Variants in EXOSC2 observed in about 807,000 individuals in gnomAD.
The protein encoded by EXOSC2 is exosome complex component RRP4.
EXOSC2 carries 29 observed loss-of-function variants against 37.6 expected under a neutral mutation model. That is an observed-to-expected ratio of 0.77 (90% CI 0.57 to 1.05). The LOEUF is 1.05. Ranked by LOEUF, EXOSC2 falls within the 50% of genes least tolerant of loss-of-function variation. EXOSC2 has a pLI of 0.00. For missense variants in EXOSC2, 346 were observed against 365.6 expected, an observed-to-expected ratio of 0.95 and a Z score of 0.44; for synonymous variants, 119 against 131.1, an observed-to-expected ratio of 0.91 and a Z score of 0.63.
chr9:130,696,525 A>G (rs1831100734), intron 2 of EXOSC2, among the ~76,000 whole-genome samples: 1 of 152,058 alleles, frequency 6.6e-6, no homozygotes, highest in Non-Finnish European at 1.5e-5. Flanking sequence ...TCATGATCTG[A>G]AGTGATGGTG....
At chr9:130,697,713 A>C in intron 3 of EXOSC2, 86 bp downstream of exon 3, 1 of 1,274,170 alleles carries the variant, frequency 7.8e-7, no homozygotes, top group Non-Finnish European at 1.1e-6. Flanking sequence ...TTGTAGTTAC[A>C]TGAAAAAGGC....
chr9:130,695,579 A>T lies in EXOSC2; in HGVS notation c.210A>T (p.Lys70Asn). ...VERVNKLICVKALKTRYIGEV... is the reference protein window; with the variant it reads ...VERVNKLICVNALKTRYIGEV... ...GAGTAAACAAGTTGATCTGTGTGAA[A>T]GCTTTGAAAACCAGGTGAGAACAAA... Residue 70 changes from lysine (K) to asparagine (N), a missense_variant, in exon 2 of 9, where the codon AAA (lysine) becomes AAT (asparagine). Lys to Asn is a moderately conservative substitution (Grantham distance 94). Transcript: ENST00000372358. The T allele has an allele frequency of 6.2e-7, 1 of 1,614,114 alleles. No individual in the cohort carries two copies. Among genetic ancestry groups the T allele is most frequent in the Non-Finnish European group, 8.5e-7 (1 of 1,179,982 alleles).
chr9:130,702,567 T>C (rs979720280), intron 7 of EXOSC2, among the ~76,000 whole-genome samples: 55 of 137,718 alleles, frequency 4.0e-4, no homozygotes, highest in African/African-American at 1.4e-3. Context: ...GAAGAAGCCA[T>C]TCTTTTTCTG....
At position 130,703,060 on chromosome 9, in the gene EXOSC2, C is replaced by T. The variant is rs142822790; in HGVS notation, c.680C>T (p.Ser227Phe). The stretch of plus-strand genomic sequence containing the variant: ...CTCTGTGTCTCCTTATAGCCTGTCT[C>T]TCTTGCTGATCGAGAGGTGATATCC... The part of the protein sequence containing the change: ...GGFIANLEPV[S>F]LADREVISRL... Residue 227 changes from serine to phenylalanine, a missense_variant, in exon 8 of 9, where the codon TCT becomes TTT. By Grantham distance (155) the Ser-to-Phe change is radical. Coordinates refer to ENST00000372358, the MANE Select transcript of EXOSC2 (RefSeq NM_014285.7). 2 of 1,613,412 alleles carry T rather than the reference C, an allele frequency of 1.2e-6. No homozygotes were observed. The highest frequency in any genetic ancestry group is 2.7e-5 in the African/African-American group (2 of 74,926).
intron 5 of EXOSC2, chr9:130,699,845 A>T (rs1831173680): frequency 6.3e-6 from 1 of 159,290 alleles, no homozygotes. Context: ...TCTACAAAAA[A>T]ATTAAAAAAG....
chr9:130,701,080 C>A, intron 6 of EXOSC2, 145 bp downstream of exon 6: 1 of 712,236 alleles, frequency 1.4e-6, no homozygotes, highest in Non-Finnish European at 2.4e-6. Flanking sequence ...TGATCGTGTT[C>A]CTTAAACGTA....
Position 130,698,061 on chromosome 9 carries a change from TG to T in EXOSC2, c.271-98del. ...CACCAGCTTCGGCCTCCCAAAGTGCTGGGATTACAGGCGTGAGCCACCACAT... is the reference window on the plus strand; with the variant it reads ...CACCAGCTTCGGCCTCCCAAAGTGCTGGATTACAGGCGTGAGCCACCACAT... On this transcript the variant is annotated intron_variant, in intron 3 of 8. Transcript: ENST00000372358. The surrounding 1 kb of genome is among the most constrained non-coding windows in gnomAD (Gnocchi z 4.1). 1 of 1,118,218 alleles carries T rather than the reference TG, an allele frequency of 8.9e-7. No homozygotes were observed. The highest frequency in any genetic ancestry group is 1.3e-6 in the Non-Finnish European group (1 of 742,516). 69.3% of individuals were successfully genotyped at this position (1,118,218 alleles called of 1,614,324 possible). A position where few individuals can be genotyped will look rare whatever the true frequency, so the allele number is the denominator to read the frequency against.
chr9:130,697,746 G>T, intron 3 of EXOSC2, 119 bp downstream of exon 3: 2 of 932,306 alleles, frequency 2.1e-6, no homozygotes, highest in Non-Finnish European at 3.5e-6. Flanking sequence ...TGGCCGTTGT[G>T]TGGCTTCTGA....
Position 130,703,686 on chromosome 9 carries a change from T to C in EXOSC2, c.802-8T>C. 2 of 1,608,090 alleles carry C rather than the reference T, an allele frequency of 1.2e-6. No homozygotes were observed. The highest frequency in any genetic ancestry group is 2.2e-5 in the East Asian group (1 of 44,756). On this transcript the variant is annotated splice_polypyrimidine_tract_variant and splice_region_variant and intron_variant, in intron 8 of 8. Coordinates refer to ENST00000372358, the MANE Select transcript of EXOSC2 (RefSeq NM_014285.7). ...CTTTTCTGAACAAATGCCTTTTCCC[T>C]TTTTCAGATCAAAGACATCTTAAAG...
rs1429747161 is a variant in EXOSC2 at position 130,694,744 on chromosome 9, G to A, written c.123-748G>A. Among the ~76,000 whole-genome samples, 1 of 152,024 alleles carries A rather than the reference G, an allele frequency of 6.6e-6. No homozygotes were observed. The highest frequency in any genetic ancestry group is 2.4e-5 in the African/African-American group (1 of 41,370). On this transcript the variant is annotated intron_variant, in intron 1 of 8. Transcript: ENST00000372358. The surrounding 1 kb of genome is among the most constrained non-coding windows in gnomAD (Gnocchi z 4.0). ...ATTTTTTTTTCTTTTTTGAGACGGAGTCTGTCTTAGATCAGTCGTGCGATC... is the reference window on the plus strand; with the variant it reads ...ATTTTTTTTTCTTTTTTGAGACGGAATCTGTCTTAGATCAGTCGTGCGATC...
Position 130,693,819 on chromosome 9 carries a change from G to A in EXOSC2, c.28G>A (p.Ala10Thr), listed in dbSNP as rs752188322. 4 of 1,609,540 alleles carry A rather than the reference G, an allele frequency of 2.5e-6. No homozygotes were observed. Among genetic ancestry groups the A allele is most frequent in the South Asian group, 1.1e-5 (1 of 90,886 alleles). The part of the protein sequence containing the change: MAMEMRLPV[A>T]RKPLSERLGR... ...GGCGATGGAGATGAGGCTTCCAGTG[G>A]CTCGCAAGCCTCTTAGCGAGAGACT... is the stretch of plus-strand genomic sequence containing the variant. Residue 10 changes from alanine to threonine, a missense_variant, in exon 1 of 9, where the codon GCT becomes ACT. Ala to Thr is a moderately conservative substitution (Grantham distance 58). Transcript: ENST00000372358.
At chr9:130,697,079 TG>T (rs1831112402) in intron 2 of EXOSC2, among the ~76,000 whole-genome samples, 1 of 152,064 alleles carries the variant, frequency 6.6e-6, no homozygotes, top group African/African-American at 2.4e-5. Flanking sequence ...TTAGATTGAG[TG>T]GCCGAAAAGT....
At chr9:130,703,212 C>G in intron 8 of EXOSC2, 31 bp downstream of exon 8, 2 of 1,592,988 alleles carry the variant, frequency 1.3e-6, no homozygotes, top group African/African-American at 1.3e-5. Context: ...CCCTTCTTCA[C>G]TGATCTGTGA....
intron 3 of EXOSC2, chr9:130,697,887 A>C (rs985784571): frequency 9.3e-6 from 5 of 534,980 alleles, no homozygotes; most frequent in South Asian, 4.2e-5. Context: ...TCCACCTCCC[A>C]GGTTCAAGCG....
At position 130,695,607 on chromosome 9, in the gene EXOSC2, G is replaced by C. The variant is rs1831075641; in HGVS notation, c.224+14G>C. 2 of 1,611,292 alleles carry C rather than the reference G, an allele frequency of 1.2e-6. No individual in the cohort carries two copies. Among genetic ancestry groups the C allele is most frequent in the Non-Finnish European group, 1.7e-6 (2 of 1,177,460 alleles). On this transcript the variant is annotated intron_variant, in intron 2 of 8. Transcript: ENST00000372358. ...TTTGAAAACCAGGTGAGAACAAAAG[G>C]TGTGTATTCCCTTTCTTGCAGCATC...
intron 5 of EXOSC2, among the ~76,000 whole-genome samples, chr9:130,700,111 C>T (rs1051743956): frequency 1.5e-4 from 23 of 150,174 alleles, no homozygotes; most frequent in Middle Eastern, 3.5e-3. Flanking sequence ...CTGCAACGTC[C>T]GCCTCTTGGA....
At chr9:130,696,304 G>A (rs1428646172) in intron 2 of EXOSC2, among the ~76,000 whole-genome samples, 8 of 152,230 alleles carry the variant, frequency 5.3e-5, no homozygotes, top group Admixed American at 5.2e-4. Flanking sequence ...GGGAGAGAAG[G>A]GGCAGATGTA....
chr9:130,701,200 C>A, intron 6 of EXOSC2: 2 of 398,564 alleles, frequency 5.0e-6, no homozygotes, highest in Non-Finnish European at 9.3e-6. Context: ...GCCCCTCCAA[C>A]TGTGGGCTGG....
At chr9:130,701,027 A>C in intron 6 of EXOSC2, 92 bp downstream of exon 6, 3 of 1,220,236 alleles carry the variant, frequency 2.5e-6, no homozygotes, top group Non-Finnish European at 3.6e-6. Flanking sequence ...GGCCTAAAGA[A>C]CCCCAGTAGC....
Sources: allele counts gnomAD v4.1 joint callset (sites outside exome capture counted in the v4.1 genomes callset), GRCh38; gene constraint gnomAD v4.1.1; non-coding constraint Gnocchi (gnomAD v3.1); transcripts MANE v1.5; gene names NCBI Gene and HGNC (gene_info 2026-07-23, HGNC 2026-07-21).